GET3: variants seen among roughly 807,000 people sequenced by gnomAD.
The protein encoded by GET3 is guided entry of tail-anchored proteins factor 3, ATPase, also known as ATPase GET3.
A neutral mutation model predicts 32.4 loss-of-function variants in GET3; 15 were observed. The ratio of observed to expected loss-of-function variants is 0.46; its 90% confidence interval spans 0.31 to 0.71. The LOEUF is 0.71. Ranked by LOEUF, GET3 falls within the 30% of genes least tolerant of loss-of-function variation. The probability of loss-of-function intolerance (pLI) is 0.05; values close to 1 mark genes in which losing one functional copy is unlikely to be tolerated. For missense variants in GET3, 333 were observed against 459.0 expected (o/e 0.73, Z 2.51); for synonymous variants, 198 against 185.6 (o/e 1.07, Z -0.54).
chr19:12,747,865 C>T lies in GET3; in HGVS notation c.916-108C>T. On this transcript the variant is annotated intron_variant, in intron 6 of 6. Transcript: ENST00000357332. The surrounding 1 kb of genome is among the most constrained non-coding windows in gnomAD (Gnocchi z 4.0). Reference sequence around the variant, plus strand: ...ACCTTAAGCTCCTGCCCTATATTCTCTCCCTGACTCTGGAAGCTTTCTAGC... The same window carrying T: ...ACCTTAAGCTCCTGCCCTATATTCTTTCCCTGACTCTGGAAGCTTTCTAGC... 1 of 1,241,162 alleles carries T rather than the reference C, an allele frequency of 8.1e-7. No individual in the cohort carries two copies. 76.9% of individuals were successfully genotyped at this position (1,241,162 alleles called of 1,614,324 possible). A position where few individuals can be genotyped will look rare whatever the true frequency, so the allele number is the denominator to read the frequency against.
chr19:12,748,287 C>G lies in GET3; in HGVS notation c.*183C>G. 1.9e-6 allele frequency: 1 copy of G among 525,720 alleles called. No individual in the cohort carries two copies. The highest frequency in any genetic ancestry group is 5.2e-4 in the Middle Eastern group (1 of 1,932). The allele number at this position is 525,720 out of a possible 1,614,324, so 32.6% of individuals were successfully genotyped here. A position where few individuals can be genotyped will look rare whatever the true frequency, so the allele number is the denominator to read the frequency against. ...GAGCTGTAGTTGCCCCCTACCTCTCCCACCTCTTGCTCTTCAATAAAATGA... is the reference window on the plus strand; with the variant it reads ...GAGCTGTAGTTGCCCCCTACCTCTCGCACCTCTTGCTCTTCAATAAAATGA... On this transcript the variant is annotated 3_prime_UTR_variant, in exon 7 of 7. Transcript: ENST00000357332.
rs906187761 is a variant in GET3, at chr19:12,742,438, G to A, written c.310-2939G>A. ...GGGTTTTTTTTGTTTGTTTTGAGAC[G>A]GAGTCTTATTCTGTCGCCCAGGATG... On this transcript the variant is annotated intron_variant, in intron 2 of 6. Coordinates refer to ENST00000357332, the MANE Select transcript of GET3 (RefSeq NM_004317.4). Among the ~76,000 whole-genome samples the A allele has an allele frequency of 2.7e-5, 4 of 149,772 alleles. No individual in the cohort carries two copies. The East Asian group carries it at 5.9e-4, about 22-fold the overall frequency.
chr19:12,747,886 C>G lies in GET3; in HGVS notation c.916-87C>G. 3 of 1,403,308 alleles carry G rather than the reference C, an allele frequency of 2.1e-6. No homozygotes were observed. In the Admixed American group the frequency reaches 6.4e-5, roughly 30 times the overall value. The allele number at this position is 1,403,308 out of a possible 1,614,324, so 86.9% of individuals were successfully genotyped here. A position where few individuals can be genotyped will look rare whatever the true frequency, so the allele number is the denominator to read the frequency against. On this transcript the variant is annotated intron_variant, in intron 6 of 6. Transcript: ENST00000357332. This position sits in a 1 kb window ranked among gnomAD's most constrained non-coding sequence, Gnocchi z 4.0. ...TTCTCTCCCTGACTCTGGAAGCTTT[C>G]TAGCTTTACCGCTTCTATTGATCCA...
At chr19:12,744,087 A>G (rs1034175286) in intron 2 of GET3, among the ~76,000 whole-genome samples, 1 of 147,838 alleles carries the variant, frequency 6.8e-6, no homozygotes, top group Non-Finnish European at 1.5e-5. Flanking sequence ...ATGGTGGGGC[A>G]TGCCTATAGT....
rs368712317 is a variant in GET3 at position 12,737,530 on chromosome 19, G to C, written c.25G>C (p.Gly9Arg). Residue 9 changes from glycine (G) to arginine (R), a missense_variant, in exon 1 of 7, where the codon GGG (glycine) becomes CGG (arginine). Coordinates refer to ENST00000357332, the MANE Select transcript of GET3 (RefSeq NM_004317.4). MAAGVAGW[G>R]VEAEEFEDAP... ...AATGGCGGCAGGGGTGGCCGGGTGG[G>C]GGGTTGAGGCAGAGGAGTTCGAAGA... 6.3e-7 allele frequency: 1 copy of C among 1,574,826 alleles called. No homozygotes were observed. The highest frequency in any genetic ancestry group is 1.9e-5 in the Admixed American group (1 of 52,848).
chr19:12,742,100 A>G (rs1967681471), intron 2 of GET3, among the ~76,000 whole-genome samples: 1 of 152,128 alleles, frequency 6.6e-6, no homozygotes, highest in Non-Finnish European at 1.5e-5. Context: ...CCCTTTCTCT[A>G]CAAAAAACAA....
rs377381892 is a variant in GET3, at chr19:12,745,778, C to T, written c.609+19C>T. ...CTCACAGGCAGGCGGCGGGGGCCCC[C>T]ACCTGCACCATCCAGGCAGCCGGGA... On this transcript the variant is annotated intron_variant, in intron 4 of 6. Transcript: ENST00000357332. This position sits in a 1 kb window ranked among gnomAD's most constrained non-coding sequence, Gnocchi z 5.0. 6.3e-7 allele frequency: 1 copy of T among 1,586,168 alleles called. No individual in the cohort carries two copies. The highest frequency in any genetic ancestry group is 8.6e-7 in the Non-Finnish European group (1 of 1,167,560).
rs778589669 is a variant in GET3 at position 12,738,543 on chromosome 19, G to A, written c.194G>A (p.Arg65His). 2 of 1,614,162 alleles carry A rather than the reference G, an allele frequency of 1.2e-6. No individual in the cohort carries two copies. The highest frequency in any genetic ancestry group is 2.2e-5 in the East Asian group (1 of 44,882). Residue 65 changes from arginine to histidine, a missense_variant, in exon 2 of 7, where the codon CGT becomes CAT. Around this residue, in one of 3 missense-constraint regions of GET3, gnomAD observed 230 missense variants for 389.2 expected, o/e 0.59. Coordinates refer to ENST00000357332, the MANE Select transcript of GET3 (RefSeq NM_004317.4). ...CSLAVQLSKG[R>H]ESVLIISTDP... ...CTGGCAGTCCAGCTCTCCAAGGGGC[G>A]TGAGAGTGTTCTGATCATCTCCACA... is the stretch of plus-strand genomic sequence containing the variant.
At chr19:12,746,224 G>T (rs917027600) in intron 4 of GET3, among the ~76,000 whole-genome samples, 1 of 152,096 alleles carries the variant, frequency 6.6e-6, no homozygotes, top group African/African-American at 2.4e-5. Flanking sequence ...CCTCCACCTC[G>T]TGGGTTCAAG....
intron 2 of GET3, among the ~76,000 whole-genome samples, chr19:12,741,214 T>C (rs1212541100): frequency 6.6e-6 from 1 of 151,962 alleles, no homozygotes; most frequent in African/African-American, 2.4e-5. Context: ...CCCAGCACTC[T>C]GGGAGGCCGA....
At chr19:12,740,633 C>T (rs1383320361) in intron 2 of GET3, among the ~76,000 whole-genome samples, 1 of 152,096 alleles carries the variant, frequency 6.6e-6, no homozygotes, top group Non-Finnish European at 1.5e-5. Flanking sequence ...GCCGAGATCG[C>T]GCCACTGCTT....
At position 12,747,196 on chromosome 19, in the gene GET3, G is replaced by T. The variant is rs893309237; in HGVS notation, c.610-1G>T. 6.3e-7 allele frequency: 1 copy of T among 1,592,422 alleles called. No homozygotes were observed. Among genetic ancestry groups the T allele is most frequent in the African/African-American group, 1.3e-5 (1 of 74,258 alleles). ...TGAGCCCTCCCACATCCCCCCTGCA[G>T]ATGTGCAACATGCTGGGCCTGGGGG... On this transcript the variant is annotated splice_acceptor_variant, in intron 4 of 6. Transcript: ENST00000357332. LOFTEE classifies it high-confidence loss of function. This position sits in a 1 kb window ranked among gnomAD's most constrained non-coding sequence, Gnocchi z 4.0.
At chr19:12,737,951 T>A (rs1416577861) in intron 1 of GET3, among the ~76,000 whole-genome samples, 2 of 152,134 alleles carry the variant, frequency 1.3e-5, no homozygotes, top group African/African-American at 4.8e-5. Flanking sequence ...GGACCGTACC[T>A]GAGTGAATCC....
At chr19:12,739,318 C>G (rs1315367263) in intron 2 of GET3, among the ~76,000 whole-genome samples, 1 of 152,194 alleles carries the variant, frequency 6.6e-6, no homozygotes. Context: ...CAGGCTTGCG[C>G]CACCACTGCC....
chr19:12,745,428 G>T lies in GET3; in HGVS notation c.361G>T (p.Glu121Ter). The T allele has an allele frequency of 6.2e-7, 1 of 1,612,894 alleles. No individual in the cohort carries two copies. ...VAELPDEFFE[E>*]DNMLSMGKKM... ...GGAGCTGCCTGACGAGTTCTTCGAG[G>T]AGGACAACATGCTGAGCATGGGCAA... Residue 121 changes from glutamate to a stop codon, truncating the protein, a stop_gained, in exon 3 of 7, where the codon GAG becomes TAG. Transcript: ENST00000357332. LOFTEE classifies it high-confidence loss of function. The surrounding 1 kb of genome is among the most constrained non-coding windows in gnomAD (Gnocchi z 5.0).
Position 12,747,672 on chromosome 19 carries a change from C to T in GET3, c.915+80C>T, listed in dbSNP as rs1381832886. On this transcript the variant is annotated intron_variant, in intron 6 of 6. Transcript: ENST00000357332. This position sits in a 1 kb window ranked among gnomAD's most constrained non-coding sequence, Gnocchi z 4.0. The stretch of plus-strand genomic sequence containing the variant: ...TCTGATCTTTTGCTCCACCATCTGG[C>T]CCTCTGCCCTCTAGCCTCCTGCCCT... The T allele has an allele frequency of 2.0e-6, 3 of 1,481,390 alleles. No homozygotes were observed. The African/African-American group carries it at 4.2e-5, about 21-fold the overall frequency. The allele number at this position is 1,481,390 out of a possible 1,614,324, so 91.8% of individuals were successfully genotyped here.
In GET3 at chr19:12,745,957, C is replaced by T. The variant is rs1036741839; in HGVS notation, c.609+198C>T. On this transcript the variant is annotated intron_variant, in intron 4 of 6. Coordinates refer to ENST00000357332, the MANE Select transcript of GET3 (RefSeq NM_004317.4). The surrounding 1 kb of genome is among the most constrained non-coding windows in gnomAD (Gnocchi z 5.0). Reference sequence around the variant, plus strand: ...AGGACTCAGTGTCCCTGCCCCTGCCCGCTAAATACCCTAGACAGAGCCAGA... The same window carrying T: ...AGGACTCAGTGTCCCTGCCCCTGCCTGCTAAATACCCTAGACAGAGCCAGA... Among the ~76,000 whole-genome samples, 15 of 152,258 alleles carry T rather than the reference C, an allele frequency of 9.9e-5. No homozygotes were observed. Among genetic ancestry groups the T allele is most frequent in the African/African-American group, 2.9e-4 (12 of 41,544 alleles).
rs1967614430 is a variant in GET3 at position 12,738,675 on chromosome 19, T to C, written c.309+17T>C. ...TTTGCTATGGTGAGTGGAACAGGGC[T>C]TAGCCCCCACTTCTGGGAAAAGCCT... On this transcript the variant is annotated intron_variant, in intron 2 of 6. Coordinates refer to ENST00000357332, the MANE Select transcript of GET3 (RefSeq NM_004317.4). 1 of 1,614,062 alleles carries C rather than the reference T, an allele frequency of 6.2e-7. No individual in the cohort carries two copies. The highest frequency in any genetic ancestry group is 1.7e-4 in the Middle Eastern group (1 of 6,012).
Position 12,738,613 on chromosome 19 carries a change from A to G in GET3, c.264A>G (p.Ser88=). The G allele has an allele frequency of 6.2e-7, 1 of 1,614,196 alleles. No homozygotes were observed. The change falls in exon 2 of 7, where the codon TCA becomes TCG. Residue 88 remains serine (S), a synonymous_variant. Coordinates refer to ENST00000357332, the MANE Select transcript of GET3 (RefSeq NM_004317.4). ...NISDAFDQKF[S]KVPTKVKGYD... The stretch of plus-strand genomic sequence containing the variant: ...CAGATGCTTTTGACCAGAAGTTCTC[A>G]AAGGTGCCTACCAAGGTCAAAGGCT...
Sources: allele counts gnomAD v4.1 joint callset (sites outside exome capture counted in the v4.1 genomes callset), GRCh38; gene constraint gnomAD v4.1.1; regional missense constraint gnomAD v4.1.1; non-coding constraint Gnocchi (gnomAD v3.1); transcripts MANE v1.5; gene names NCBI Gene and HGNC (gene_info 2026-07-23, HGNC 2026-07-21).